CDH13: variants seen among roughly 807,000 people sequenced by gnomAD.
CDH13 encodes the protein cadherin-13.
CDH13 carries 24 observed loss-of-function variants against 63.8 expected under a neutral mutation model. The ratio of observed to expected loss-of-function variants is 0.38; its 90% CI spans 0.27 to 0.53. CDH13 has a LOEUF of 0.53. Among genes scored for constraint, CDH13 ranks in the 20% least tolerant of loss-of-function variants. CDH13 has a pLI of 0.85. For synonymous variants in CDH13, 503 were observed against 355.3 expected (o/e 1.42, Z -4.67); for missense variants, 1,049 against 903.1 (o/e 1.16, Z -2.07).
chr16:83,074,059 G>A (rs1441388387), intron 3 of CDH13, among the ~76,000 whole-genome samples: 1 of 152,058 alleles, frequency 6.6e-6, no homozygotes, highest in Non-Finnish European at 1.5e-5. Flanking sequence ...TGTAGTCACC[G>A]TACTTTACTA....
chr16:82,759,753 C>A (rs2034758355), intron 1 of CDH13, among the ~76,000 whole-genome samples: 1 of 151,984 alleles, frequency 6.6e-6, no homozygotes, highest in Non-Finnish European at 1.5e-5. Context: ...CTATAGAATT[C>A]AAATAGGTTC....
At chr16:82,967,607 C>T (rs758772730) in intron 2 of CDH13, among the ~76,000 whole-genome samples, 9 of 152,214 alleles carry the variant, frequency 5.9e-5, no homozygotes, top group Non-Finnish European at 1.2e-4. Flanking sequence ...TGAACTCACG[C>T]TCCTACTGGA....
At chr16:83,301,024 G>GTTTTTTTTTTTTTTTTTTT (rs1567574870) in intron 5 of CDH13, among the ~76,000 whole-genome samples, 7 of 53,988 alleles carry the variant, frequency 1.3e-4, no homozygotes, top group African/African-American at 4.7e-4. Context: ...AACTTTCTGG[G>GTTTTTTTTTTTTTTTTTTT]GTTTTTTTTT....
chr16:82,762,255 A>G (rs1329245109), intron 1 of CDH13, among the ~76,000 whole-genome samples: 1 of 152,204 alleles, frequency 6.6e-6, no homozygotes, highest in East Asian at 1.9e-4. Context: ...TCCCACGATG[A>G]TCTGATGCTG....
At chr16:83,121,283 T>C (rs141011495) in intron 3 of CDH13, among the ~76,000 whole-genome samples, 2 of 152,348 alleles carry the variant, frequency 1.3e-5, no homozygotes, top group East Asian at 1.9e-4. Context: ...GTATACAAAA[T>C]AGAATGCATT....
chr16:82,679,146 A>G (rs545401345), intron 1 of CDH13, among the ~76,000 whole-genome samples: 2 of 152,184 alleles, frequency 1.3e-5, no homozygotes, highest in African/African-American at 4.8e-5. Flanking sequence ...TGCATTCCCA[A>G]ACTTTGCAAG....
intron 1 of CDH13, among the ~76,000 whole-genome samples, chr16:82,809,442 A>G (rs1477086550): frequency 6.6e-6 from 1 of 152,124 alleles, no homozygotes; most frequent in African/African-American, 2.4e-5. Context: ...AGGGAGTGGT[A>G]AGATCACATT....
At chr16:82,908,530 A>G (rs540711563) in intron 2 of CDH13, among the ~76,000 whole-genome samples, 3 of 152,308 alleles carry the variant, frequency 2.0e-5, no homozygotes, top group Admixed American at 6.5e-5. Context: ...TTATTTAACA[A>G]TTCAGAGTCT....
At chr16:82,831,148 G>A (rs4783289) in intron 1 of CDH13, among the ~76,000 whole-genome samples, 24,532 of 152,044 alleles carry the variant, frequency 0.16, 2,283 homozygotes, top group African/African-American at 0.24. Flanking sequence ...CTGTTGAATA[G>A]GAATCTACAT....
intron 2 of CDH13, among the ~76,000 whole-genome samples, chr16:82,895,095 C>G (rs117388821): frequency 6.6e-6 from 1 of 152,150 alleles, no homozygotes; most frequent in Non-Finnish European, 1.5e-5. Context: ...GTGAACAATT[C>G]AGTGGCATTT....
intron 7 of CDH13, among the ~76,000 whole-genome samples, chr16:83,589,050 T>C (rs57370400): frequency 6.6e-6 from 1 of 152,076 alleles, no homozygotes; most frequent in African/African-American, 2.4e-5. Flanking sequence ...AAGTCCAAAA[T>C]AAGTCTCACT....
chr16:83,793,609 A>G (rs183255629), intron 13 of CDH13, among the ~76,000 whole-genome samples: 38 of 152,268 alleles, frequency 2.5e-4, no homozygotes, highest in African/African-American at 9.1e-4. Context: ...ATGGCCCCCA[A>G]AGATGTACTC....
At chr16:82,903,496 T>C (rs1356292917) in intron 2 of CDH13, among the ~76,000 whole-genome samples, 3 of 152,248 alleles carry the variant, frequency 2.0e-5, no homozygotes, top group Non-Finnish European at 2.9e-5. Flanking sequence ...AGTTTTTTCC[T>C]AATTCTGGCC....
intron 6 of CDH13, among the ~76,000 whole-genome samples, chr16:83,351,071 G>A (rs530047836): frequency 3.3e-5 from 5 of 152,150 alleles, no homozygotes; most frequent in African/African-American, 1.2e-4. Context: ...CTCAGCCGAT[G>A]GTGTTCAGGT....
At chr16:83,557,292 G>T (rs960222065) in intron 7 of CDH13, among the ~76,000 whole-genome samples, 1 of 152,068 alleles carries the variant, frequency 6.6e-6, no homozygotes, top group Non-Finnish European at 1.5e-5. Context: ...ACATTATGGC[G>T]AGTTGTATAA....
intron 3 of CDH13, among the ~76,000 whole-genome samples, chr16:83,111,882 T>G (rs960165884): frequency 4.6e-5 from 7 of 152,206 alleles, no homozygotes; most frequent in African/African-American, 1.7e-4. Flanking sequence ...TGATGAAGCA[T>G]TCAGTCTTGT....
At chr16:83,098,647 T>G (rs1369275698) in intron 3 of CDH13, among the ~76,000 whole-genome samples, 1 of 152,230 alleles carries the variant, frequency 6.6e-6, no homozygotes, top group African/African-American at 2.4e-5. Context: ...TTGACAAATT[T>G]TATTTTTCTT....
chr16:83,385,401 A>G (rs1158851420), intron 6 of CDH13, among the ~76,000 whole-genome samples: 1 of 152,214 alleles, frequency 6.6e-6, no homozygotes, highest in Non-Finnish European at 1.5e-5. Context: ...TTTCTTTGCA[A>G]GATTGCTATA....
intron 8 of CDH13, among the ~76,000 whole-genome samples, chr16:83,658,468 C>T (rs1188147933): frequency 2.0e-5 from 3 of 146,694 alleles, no homozygotes; most frequent in Admixed American, 6.7e-5. Context: ...GGTCCCATGT[C>T]CTCACCACCA....
Sources: allele counts gnomAD v4.1 joint callset (sites outside exome capture counted in the v4.1 genomes callset), GRCh38; gene constraint gnomAD v4.1.1; transcripts MANE v1.5; gene names NCBI Gene and HGNC (gene_info 2026-07-23, HGNC 2026-07-21).